Variants in RASA3 observed in about 807,000 individuals in gnomAD.
The protein encoded by RASA3 is ras GTPase-activating protein 3.
In RASA3, 73 loss-of-function variants were observed where a neutral mutation model predicts 110.0. That is an observed-to-expected ratio of 0.66 (90% CI 0.55 to 0.81). The LOEUF is 0.81. Ranked by LOEUF, RASA3 falls within the 30% of genes least tolerant of loss-of-function variation. RASA3 has a pLI of 0.00. For missense variants in RASA3, 976 were observed against 1,113.2 expected, an observed-to-expected ratio of 0.88 and a Z score of 1.75; for synonymous variants, 500 against 451.4, an observed-to-expected ratio of 1.11 and a Z score of -1.37.
chr13:113,998,317 T>C (rs9590434), intron 20 of RASA3, among the ~76,000 whole-genome samples: 107,902 of 151,988 alleles, frequency 0.71, 39,176 homozygotes, highest in African/African-American at 0.88. Flanking sequence ...CCTCTTCCCA[T>C]GCCCTCCTCT....
At chr13:113,993,572 C>A (rs1232229791) in intron 21 of RASA3, among the ~76,000 whole-genome samples, 1 of 151,658 alleles carries the variant, frequency 6.6e-6, no homozygotes, top group Non-Finnish European at 1.5e-5. Context: ...TTTTGGGAGG[C>A]CGAGGCAGGT....
chr13:114,033,766 C>T (rs555793715), intron 4 of RASA3, among the ~76,000 whole-genome samples: 2 of 152,258 alleles, frequency 1.3e-5, no homozygotes, highest in Non-Finnish European at 2.9e-5. Flanking sequence ...GGTGGGGCCT[C>T]CGCTGCTGTC....
intron 1 of RASA3, among the ~76,000 whole-genome samples, chr13:114,079,452 C>T (rs1224217411): frequency 6.6e-6 from 1 of 152,212 alleles, no homozygotes; most frequent in African/African-American, 2.4e-5. Flanking sequence ...CGTCCCAACG[C>T]AAAACATTCA....
intron 1 of RASA3, 145 bp downstream of exon 1, chr13:114,132,290 G>C (rs558075679): frequency 6.8e-6 from 6 of 879,052 alleles, no homozygotes; most frequent in Non-Finnish European, 9.3e-6. Context: ...CGCGGAGCCG[G>C]ACCAGCCGTT....
At chr13:113,989,156 G>A (rs1488657084) in intron 22 of RASA3, among the ~76,000 whole-genome samples, 2 of 99,096 alleles carry the variant, frequency 2.0e-5, no homozygotes, top group Non-Finnish European at 4.1e-5. Flanking sequence ...CTCAACCCTC[G>A]GTCCATCCTC....
chr13:114,074,894 T>C (rs1379543804), intron 1 of RASA3, among the ~76,000 whole-genome samples: 1 of 152,230 alleles, frequency 6.6e-6, no homozygotes, highest in Non-Finnish European at 1.5e-5. Context: ...CCCAGTTTAC[T>C]GGAGAATAGG....
chr13:114,049,521 A>T (rs957730142), intron 3 of RASA3, among the ~76,000 whole-genome samples: 2 of 152,308 alleles, frequency 1.3e-5, no homozygotes, highest in East Asian at 1.9e-4. Flanking sequence ...ATGTGCAAAA[A>T]TTTTTTAAAT....
chr13:114,015,066 G>C, intron 14 of RASA3, 143 bp downstream of exon 14: 1 of 1,222,386 alleles, frequency 8.2e-7, no homozygotes, highest in South Asian at 1.4e-5. Context: ...ACAAACCCCG[G>C]AAAAATCCAG....
At chr13:114,076,196 G>A (rs906634157) in intron 1 of RASA3, among the ~76,000 whole-genome samples, 4 of 152,212 alleles carry the variant, frequency 2.6e-5, no homozygotes, top group African/African-American at 7.2e-5. Context: ...AGGCTCCTCC[G>A]GCTCTGAGAC....
In RASA3 at chr13:114,065,942, G is replaced by A. The variant is rs2079441117; in HGVS notation, c.173+7778C>T. ...GAGGAAAGCAGGCGGGCTGGGCTGA[G>A]ACTCACAGCTGCAGCGGCCGTGGTG... On this transcript the variant is annotated intron_variant, in intron 2 of 23. Transcript: ENST00000334062. This position sits in a 1 kb window ranked among gnomAD's most constrained non-coding sequence, Gnocchi z 4.1. Among the ~76,000 whole-genome samples, 1 of 152,202 alleles carries A rather than the reference G, an allele frequency of 6.6e-6. No homozygotes were observed. The highest frequency in any genetic ancestry group is 6.5e-5 in the Admixed American group (1 of 15,282).
At chr13:114,123,253 G>A (rs2080403237) in intron 1 of RASA3, among the ~76,000 whole-genome samples, 1 of 152,212 alleles carries the variant, frequency 6.6e-6, no homozygotes, top group African/African-American at 2.4e-5. Flanking sequence ...CTCTGGGGAA[G>A]AGAAAACACA....
At chr13:114,130,901 C>G (rs1325157388) in intron 1 of RASA3, among the ~76,000 whole-genome samples, 1 of 152,068 alleles carries the variant, frequency 6.6e-6, no homozygotes, top group Non-Finnish European at 1.5e-5. Context: ...AGCCAAGCAG[C>G]CTTGGCTGAA....
At chr13:114,013,699 TCTCTCTCTCTCCCC>T (rs1262278615) in intron 14 of RASA3, among the ~76,000 whole-genome samples, 5 of 144,792 alleles carry the variant, frequency 3.5e-5, no homozygotes, top group Admixed American at 2.0e-4. Flanking sequence ...TCTCTGTCTC[TCTCTCTCTCTCCCC>T]CTCTCTCTCT....
chr13:113,979,443 G>C (rs1352814231), intron 23 of RASA3, 21 bp from the exon 24 acceptor site: 3 of 1,559,836 alleles, frequency 1.9e-6, no homozygotes, highest in Non-Finnish European at 2.7e-6. Flanking sequence ...GGATGGGAGA[G>C]GGAATGAGGC....
chr13:114,125,445 G>A (rs1224989205), intron 1 of RASA3, among the ~76,000 whole-genome samples: 1 of 152,084 alleles, frequency 6.6e-6, no homozygotes, highest in Non-Finnish European at 1.5e-5. Flanking sequence ...GCAAGAGCGC[G>A]AGGTGGGAGG....
At chr13:114,099,494 A>C (rs2079994545) in intron 1 of RASA3, among the ~76,000 whole-genome samples, 2 of 151,718 alleles carry the variant, frequency 1.3e-5, no homozygotes, top group South Asian at 4.1e-4. Flanking sequence ...GCCTCTGGTC[A>C]GCGCTTCTCA....
chr13:114,040,649 A>G (rs12860610), intron 4 of RASA3, among the ~76,000 whole-genome samples: 28,098 of 75,562 alleles, frequency 0.37, 7,520 homozygotes, highest in Middle Eastern at 0.44. Flanking sequence ...AATCCATGGC[A>G]GAGCCTGCGC....
At chr13:114,105,462 C>T (rs1566577786) in intron 1 of RASA3, among the ~76,000 whole-genome samples, 1 of 152,166 alleles carries the variant, frequency 6.6e-6, no homozygotes, top group Non-Finnish European at 1.5e-5. Flanking sequence ...GAGGGGACAC[C>T]TAGGGGAAAA....
chr13:114,052,254 G>T, intron 2 of RASA3, 99 bp from the exon 3 acceptor site: 1 of 766,422 alleles, frequency 1.3e-6, no homozygotes, highest in Non-Finnish European at 2.2e-6. Flanking sequence ...CATGCCATAA[G>T]AATGCCCTGC....
Sources: gnomAD v4.1 joint callset for allele counts (sites outside exome capture counted in the v4.1 genomes callset) on GRCh38, gnomAD v4.1.1 for gene constraint, Gnocchi (gnomAD v3.1) non-coding constraint, MANE v1.5 for transcripts, NCBI Gene and HGNC (gene_info 2026-07-23, HGNC 2026-07-21) for gene names.